Variants in UBXN6 observed in about 807,000 individuals in gnomAD.
The protein encoded by UBXN6 is UBX domain protein 6, also known as UBX domain-containing protein 6.
In UBXN6, 44 loss-of-function variants were observed where a neutral mutation model predicts 51.4. The ratio of observed to expected loss-of-function variants is 0.86; its 90% CI spans 0.67 to 1.10. The LOEUF (loss-of-function observed/expected upper bound fraction) is 1.10. Ranked by LOEUF, UBXN6 falls within the 50% of genes least tolerant of loss-of-function variation. The pLI, the probability that UBXN6 is intolerant of heterozygous loss-of-function variation, is 0.00. For synonymous variants in UBXN6, 316 were observed against 263.2 expected (o/e 1.20, Z -1.94); for missense variants, 672 against 596.1 (o/e 1.13, Z -1.32).
intron 4 of UBXN6, among the ~76,000 whole-genome samples, chr19:4,451,751 C>T (rs1386454100): frequency 6.6e-6 from 1 of 151,924 alleles, no homozygotes; most frequent in Non-Finnish European, 1.5e-5. Flanking sequence ...AATTCTCTTG[C>T]CTCAGCCTCC....
intron 1 of UBXN6, chr19:4,455,422 C>T (rs899830625): frequency 8.0e-6 from 3 of 375,944 alleles, no homozygotes; most frequent in Admixed American, 6.4e-5. Flanking sequence ...ACCCCGGCCT[C>T]ATCCGATATC....
chr19:4,446,978 AC>A, intron 6 of UBXN6, 58 bp from the exon 7 acceptor site: 1 of 1,545,018 alleles, frequency 6.5e-7, no homozygotes, highest in Non-Finnish European at 8.9e-7. Context: ...GCCTGGCCAC[AC>A]CCCACCCAGT....
At position 4,448,560 on chromosome 19, in the gene UBXN6, G is replaced by A. The variant is rs1483260878; in HGVS notation, c.442-145C>T. 4 of 696,780 alleles carry A rather than the reference G, an allele frequency of 5.7e-6. No homozygotes were observed. In the East Asian group the frequency reaches 1.1e-4, roughly 19 times the overall value. The allele number at this position is 696,780 out of a possible 1,614,324, so 43.2% of individuals were successfully genotyped here. A position where few individuals can be genotyped will look rare whatever the true frequency, so the allele number is the denominator to read the frequency against. ...TGTGCGCTCATCACAGAAAGGAAAA[G>A]AGAGACCCTCCAAGACCGCAGCCCT... On this transcript the variant is annotated intron_variant, in intron 4 of 10. Coordinates refer to ENST00000301281, the MANE Select transcript of UBXN6 (RefSeq NM_025241.3).
chr19:4,451,219 G>T lies in UBXN6; in HGVS notation c.441+1145C>A, dbSNP rs528775410. On this transcript the variant is annotated intron_variant, in intron 4 of 10. Coordinates refer to ENST00000301281, the MANE Select transcript of UBXN6 (RefSeq NM_025241.3). ...TTACAGGCGCCTGTCACCACGCCTG[G>T]CTAATTTTTGTATATTTAGTAGATA... 2.0e-5 allele frequency among the ~76,000 whole-genome samples: 3 copies of T among 152,090 alleles called. No individual in the cohort carries two copies. The South Asian group carries it at 6.2e-4, about 32-fold the overall frequency.
chr19:4,453,657 G>A, intron 2 of UBXN6, 135 bp from the exon 3 acceptor site: 1 of 1,167,200 alleles, frequency 8.6e-7, no homozygotes, highest in Non-Finnish European at 1.2e-6. Flanking sequence ...TGGAGGTCAG[G>A]CTGGAGGTCC....
At chr19:4,445,806 C>G in intron 10 of UBXN6, 183 bp from the exon 11 acceptor site, 1 of 1,112,538 alleles carries the variant, frequency 9.0e-7, no homozygotes. Context: ...TAAGCCTAAA[C>G]CTACTGCACT....
At chr19:4,453,817 G>A (rs1336369529) in intron 2 of UBXN6, 113 bp downstream of exon 2, 1 of 1,468,524 alleles carries the variant, frequency 6.8e-7, no homozygotes, top group East Asian at 2.3e-5. Context: ...CGCTCCCAAG[G>A]GTGACCCTCA....
intron 4 of UBXN6, among the ~76,000 whole-genome samples, chr19:4,451,229 G>C (rs996576679): frequency 6.6e-6 from 1 of 151,738 alleles, no homozygotes; most frequent in African/African-American, 2.4e-5. Context: ...GCTAATTTTT[G>C]TATATTTAGT....
intron 5 of UBXN6, chr19:4,447,999 A>C (rs1446565738): frequency 1.2e-5 from 6 of 512,688 alleles, no homozygotes; most frequent in Non-Finnish European, 2.1e-5. Flanking sequence ...GGCAGCGTGG[A>C]CCTCCAGGCC....
chr19:4,456,107 CCCAACCTTCCCCT>C lies in UBXN6; in HGVS notation c.83+1495_83+1507del, dbSNP rs983978426. The stretch of plus-strand genomic sequence containing the variant: ...AAGGGACCTCCGCACCGCTTCCTTT[CCCAACCTTCCCCT>C]CCAACCTTCCCCTCTCCGCCCAGGC... On this transcript the variant is annotated intron_variant, in intron 1 of 10. Coordinates refer to ENST00000301281, the MANE Select transcript of UBXN6 (RefSeq NM_025241.3). Among the ~76,000 whole-genome samples the C allele has an allele frequency of 3.6e-4, 55 of 152,000 alleles. 1 individual carries two copies. The East Asian group carries it at 9.7e-3, about 27-fold the overall frequency.
chr19:4,446,055 G>GA lies in UBXN6; in HGVS notation c.1193_1194insT (p.Gly399ArgfsTer46). 6.2e-7 allele frequency: 1 copy of GA among 1,611,066 alleles called. No individual in the cohort carries two copies. Among genetic ancestry groups the GA allele is most frequent in the South Asian group, 1.1e-5 (1 of 90,752 alleles). ...CCTGCGGGCCGACACTCACCAGCCC[G>GA]CACTCGTTCAAGGCCAGGTTCTCGT... On this transcript the variant is annotated frameshift_variant, in exon 10 of 11. Coordinates refer to ENST00000301281, the MANE Select transcript of UBXN6 (RefSeq NM_025241.3). LOFTEE classifies it high-confidence loss of function.
chr19:4,447,783 T>G, intron 5 of UBXN6, 158 bp from the exon 6 acceptor site: 1 of 704,516 alleles, frequency 1.4e-6, no homozygotes, highest in East Asian at 2.8e-5. Context: ...CATCTCCGGG[T>G]GGAAGGCACA....
chr19:4,451,243 T>C (rs1341416485), intron 4 of UBXN6, among the ~76,000 whole-genome samples: 1 of 151,950 alleles, frequency 6.6e-6, no homozygotes, highest in African/African-American at 2.4e-5. Context: ...ATTTAGTAGA[T>C]AGGGGGTTTC....
chr19:4,448,375 A>C lies in UBXN6; in HGVS notation c.482T>G (p.Ile161Ser). Residue 161 changes from isoleucine to serine, a missense_variant, in exon 5 of 11, where the codon ATC becomes AGC. Transcript: ENST00000301281. ...GTCCTGGTCTTTGTTGAACGTGTAGATCTTCATGATGGAGGCGGCCACTGG... is the reference window on the plus strand; with the variant it reads ...GTCCTGGTCTTTGTTGAACGTGTAGCTCTTCATGATGGAGGCGGCCACTGG... Reference protein sequence around the residue: ...TDPVAASIMKIYTFNKDQDRV... With the variant: ...TDPVAASIMKSYTFNKDQDRV... 1 of 1,610,630 alleles carries C rather than the reference A, an allele frequency of 6.2e-7. No individual in the cohort carries two copies. Among genetic ancestry groups the C allele is most frequent in the South Asian group, 1.1e-5 (1 of 90,412 alleles).
intron 1 of UBXN6, among the ~76,000 whole-genome samples, chr19:4,454,613 C>T (rs116059819): frequency 4.1e-4 from 63 of 152,266 alleles, no homozygotes; most frequent in African/African-American, 1.4e-3. Context: ...GACAGGGTCT[C>T]GCTATGTAGC....
chr19:4,447,019 A>G, intron 6 of UBXN6, 99 bp from the exon 7 acceptor site: 1 of 1,228,676 alleles, frequency 8.1e-7, no homozygotes, highest in Non-Finnish European at 1.2e-6. Context: ...TATTGGGAGC[A>G]GCTGTCGACC....
At position 4,446,216 on chromosome 19, in the gene UBXN6, A is replaced by G; in HGVS notation, c.1052-19T>C. 3 of 1,589,850 alleles carry G rather than the reference A, an allele frequency of 1.9e-6. No homozygotes were observed. The highest frequency in any genetic ancestry group is 2.6e-6 in the Non-Finnish European group (3 of 1,171,680). ...AAAGTGCCTGGGGAGTGGGGGAGTCAGAGCGGGTGGGGCCCAGGGCCCCCT... is the reference window on the plus strand; with the variant it reads ...AAAGTGCCTGGGGAGTGGGGGAGTCGGAGCGGGTGGGGCCCAGGGCCCCCT... On this transcript the variant is annotated intron_variant, in intron 9 of 10. Transcript: ENST00000301281.
intron 10 of UBXN6, chr19:4,445,844 G>A: frequency 9.5e-7 from 1 of 1,048,698 alleles, no homozygotes; most frequent in South Asian, 1.6e-5. Flanking sequence ...GCTCCCATTT[G>A]ATGGGGAAAC....
At chr19:4,452,590 A>G (rs1443883445) in intron 3 of UBXN6, 98 bp from the exon 4 acceptor site, 1 of 1,447,972 alleles carries the variant, frequency 6.9e-7, no homozygotes, top group African/African-American at 1.4e-5. Flanking sequence ...AGAACCAGAC[A>G]TCTCCAGCCC....
Sources: allele counts gnomAD v4.1 joint callset (sites outside exome capture counted in the v4.1 genomes callset), GRCh38; gene constraint gnomAD v4.1.1; transcripts MANE v1.5; gene names NCBI Gene and HGNC (gene_info 2026-07-23, HGNC 2026-07-21).